Variants in CNTN3 observed in about 807,000 individuals in gnomAD.
The protein encoded by CNTN3 is contactin-3.
A neutral mutation model predicts 119.1 loss-of-function variants in CNTN3; 60 were observed. The observed-to-expected ratio is 0.50, with a 90% CI of 0.41 to 0.62. The LOEUF (loss-of-function observed/expected upper bound fraction) is 0.62, where lower values mean the gene tolerates loss of function less well. CNTN3 is among the 20% of genes least tolerant of loss of function. The probability of loss-of-function intolerance (pLI) is 0.00; values close to 1 mark genes in which losing one functional copy is unlikely to be tolerated. For missense variants in CNTN3, 1,101 were observed against 1,242.4 expected (o/e 0.89, Z 1.71); for synonymous variants, 450 against 438.7 (o/e 1.03, Z -0.32).
intron 5 of CNTN3, among the ~76,000 whole-genome samples, chr3:74,382,818 T>G (rs1382879885): frequency 1.3e-5 from 2 of 152,202 alleles, no homozygotes; most frequent in African/African-American, 2.4e-5. Flanking sequence ...TGAACAGTGC[T>G]GCAATGAAAA....
intron 1 of CNTN3, among the ~76,000 whole-genome samples, chr3:74,575,088 T>G (rs1704393108): frequency 6.6e-6 from 1 of 151,816 alleles, no homozygotes; most frequent in Admixed American, 6.6e-5. Context: ...CCTGCCTCAT[T>G]TATTTCTTTT....
chr3:74,453,124 C>A (rs563587008), intron 4 of CNTN3, among the ~76,000 whole-genome samples: 1 of 151,996 alleles, frequency 6.6e-6, no homozygotes, highest in Admixed American at 6.6e-5. Flanking sequence ...TGGCAGAATT[C>A]GGCTGTGAAT....
chr3:74,266,373 G>A, intron 22 of CNTN3, 108 bp downstream of exon 22: 3 of 1,179,856 alleles, frequency 2.5e-6, no homozygotes, highest in Non-Finnish European at 3.6e-6. Context: ...GCATTTGGAT[G>A]TAAGCCTTGC....
chr3:74,482,663 T>C (rs961575451), intron 4 of CNTN3, among the ~76,000 whole-genome samples: 1 of 152,112 alleles, frequency 6.6e-6, no homozygotes, highest in Non-Finnish European at 1.5e-5. Context: ...AAAGAAGTTA[T>C]GGCTAATCAT....
At chr3:74,519,597 C>A (rs899932052) in intron 2 of CNTN3, among the ~76,000 whole-genome samples, 3 of 151,702 alleles carry the variant, frequency 2.0e-5, no homozygotes, top group African/African-American at 7.2e-5. Flanking sequence ...AATTTCATAT[C>A]ATAAACAGTA....
intron 13 of CNTN3, among the ~76,000 whole-genome samples, chr3:74,304,450 G>A (rs73841825): frequency 0.036 from 5,441 of 152,088 alleles, 301 homozygotes; most frequent in African/African-American, 0.12. Flanking sequence ...TCTCATTTTC[G>A]GTGAAAAACT....
chr3:74,594,540 G>T (rs923198306), intron 1 of CNTN3, among the ~76,000 whole-genome samples: 11 of 151,632 alleles, frequency 7.3e-5, no homozygotes, highest in Non-Finnish European at 1.5e-5. Context: ...GAGAACATGC[G>T]GTGTTTGGTT....
At chr3:74,381,746 T>G (rs1054678591) in intron 5 of CNTN3, among the ~76,000 whole-genome samples, 1 of 152,124 alleles carries the variant, frequency 6.6e-6, no homozygotes, top group Non-Finnish European at 1.5e-5. Flanking sequence ...TTTCAAAGCC[T>G]GAAAAAATAA....
At position 74,369,263 on chromosome 3, in the gene CNTN3, T is replaced by C; in HGVS notation, c.872A>G (p.Asp291Gly). 2 of 1,611,682 alleles carry C rather than the reference T, an allele frequency of 1.2e-6. No homozygotes were observed. The highest frequency in any genetic ancestry group is 8.5e-7 in the Non-Finnish European group (1 of 1,178,824). Residue 291 changes from aspartate to glycine, a missense_variant, in exon 8 of 23, where the codon GAT becomes GGT. Transcript: ENST00000263665. ...VLEIPNFQQE[D>G]AGSYECIAEN... ...AGCAATGCATTCATAGGAACCTGCA[T>C]CTTCCTGTTGGAAGTTGGGGATTTC...
chr3:74,389,050 C>T (rs1193096033), intron 5 of CNTN3, among the ~76,000 whole-genome samples: 1 of 152,104 alleles, frequency 6.6e-6, no homozygotes, highest in Non-Finnish European at 1.5e-5. Context: ...ACTTTGTGTG[C>T]AAGTTACTGA....
At chr3:74,503,489 C>T (rs577533840) in intron 2 of CNTN3, among the ~76,000 whole-genome samples, 2 of 152,190 alleles carry the variant, frequency 1.3e-5, no homozygotes, top group African/African-American at 2.4e-5. Context: ...TCTTGCTTCA[C>T]GGGAATGAAA....
At chr3:74,267,481 G>A (rs1701685341) in intron 20 of CNTN3, 103 bp from the exon 21 acceptor site, 1 of 755,684 alleles carries the variant, frequency 1.3e-6, no homozygotes, top group East Asian at 2.5e-5. Flanking sequence ...AAGTAGAACG[G>A]GATGCCTTTG....
chr3:74,277,147 T>C (rs1180431157), intron 20 of CNTN3, among the ~76,000 whole-genome samples: 2 of 151,978 alleles, frequency 1.3e-5, no homozygotes, highest in African/African-American at 4.8e-5. Context: ...ATTAAAAAAT[T>C]ACCGACTAAA....
intron 1 of CNTN3, among the ~76,000 whole-genome samples, chr3:74,595,866 A>G (rs946484392): frequency 3.6e-4 from 55 of 152,148 alleles, no homozygotes; most frequent in East Asian, 1.9e-4. Flanking sequence ...AAGGAAATAA[A>G]GGGTATTCAA....
intron 3 of CNTN3, among the ~76,000 whole-genome samples, chr3:74,490,900 G>A (rs1490721916): frequency 6.6e-6 from 1 of 152,034 alleles, no homozygotes; most frequent in Admixed American, 6.6e-5. Flanking sequence ...TTTTAACAAA[G>A]CAATATAATT....
At chr3:74,377,146 A>G (rs1704496243) in intron 5 of CNTN3, among the ~76,000 whole-genome samples, 1 of 152,130 alleles carries the variant, frequency 6.6e-6, no homozygotes, top group African/African-American at 2.4e-5. Context: ...TTTGCATTGA[A>G]TAGAGTTGTA....
intron 11 of CNTN3, among the ~76,000 whole-genome samples, chr3:74,342,752 C>G (rs1468030069): frequency 6.6e-6 from 1 of 152,120 alleles, no homozygotes; most frequent in African/African-American, 2.4e-5. Context: ...GTTTTTCCTA[C>G]TAAAATGGAC....
At chr3:74,489,453 TCCCTTCC>T (rs1702921791) in intron 3 of CNTN3, among the ~76,000 whole-genome samples, 1 of 74,370 alleles carries the variant, frequency 1.3e-5, no homozygotes, top group South Asian at 4.3e-4. Context: ...CTTCCCTTCC[TCCCTTCC>T]TCCCTTCCTC....
intron 13 of CNTN3, among the ~76,000 whole-genome samples, chr3:74,320,208 C>T (rs1328224960): frequency 6.6e-6 from 1 of 152,156 alleles, no homozygotes; most frequent in African/African-American, 2.4e-5. Flanking sequence ...GCTATAAAGA[C>T]ACATGCACAC....
Sources: allele counts gnomAD v4.1 joint callset (sites outside exome capture counted in the v4.1 genomes callset), GRCh38; gene constraint gnomAD v4.1.1; transcripts MANE v1.5; gene names NCBI Gene and HGNC (gene_info 2026-07-23, HGNC 2026-07-21).